CRACD: variants seen among roughly 807,000 people sequenced by gnomAD.
The protein encoded by CRACD is capping protein inhibiting regulator of actin dynamics.
In CRACD, 56 loss-of-function variants were observed where a neutral mutation model predicts 106.8. The observed-to-expected ratio is 0.52, with a 90% CI of 0.42 to 0.66. The LOEUF (loss-of-function observed/expected upper bound fraction) is 0.66. Ranked by LOEUF, CRACD falls within the 30% of genes least tolerant of loss-of-function variation. The probability of loss-of-function intolerance (pLI) is 0.00; values close to 1 mark genes in which losing one functional copy is unlikely to be tolerated. For synonymous variants in CRACD, 754 were observed against 670.8 expected (o/e 1.12, Z -1.92); for missense variants, 1,730 against 1,623.2 (o/e 1.07, Z -1.13).
chr4:56,089,428 G>A (rs149893954), intron 1 of CRACD, among the ~76,000 whole-genome samples: 4 of 152,106 alleles, frequency 2.6e-5, no homozygotes, highest in Admixed American at 6.6e-5. Flanking sequence ...GCCGCCTACG[G>A]CATTGCTTCC....
At position 56,330,567 on chromosome 4, in the gene CRACD, T is replaced by C. The variant is rs1197001121; in HGVS notation, c.*2763T>C. On this transcript the variant is annotated 3_prime_UTR_variant, in exon 11 of 11. Coordinates refer to ENST00000682029, the MANE Select transcript of CRACD (RefSeq NM_001393381.1). ...ATAAAGTTTTAATGTAAAATGTCCA[T>C]TATTGAAGGGAAAAGATCTTTCAAT... Among the ~76,000 whole-genome samples, 1 of 152,216 alleles carries C rather than the reference T, an allele frequency of 6.6e-6. No individual in the cohort carries two copies. The highest frequency in any genetic ancestry group is 1.9e-4 in the East Asian group (1 of 5,202).
Position 56,323,459 on chromosome 4 carries a change from A to C in CRACD, c.3270A>C (p.Ile1090=). The C allele has an allele frequency of 1.2e-6, 2 of 1,612,144 alleles. No individual in the cohort carries two copies. The highest frequency in any genetic ancestry group is 1.7e-6 in the Non-Finnish European group (2 of 1,179,470). ...EKVETAQPLW[I]TLALQKQKGF... is the part of the protein sequence containing the mutation. ...TGGAAACTGCTCAGCCGCTGTGGAT[A>C]ACGTTAGCACTGCAAAAGCAAAAGG... Residue 1090 remains isoleucine, a synonymous_variant, in exon 9 of 11, where the codon ATA becomes ATC. Coordinates refer to ENST00000682029, the MANE Select transcript of CRACD (RefSeq NM_001393381.1).
At chr4:56,197,701 C>T (rs1301550476) in intron 2 of CRACD, among the ~76,000 whole-genome samples, 9 of 150,548 alleles carry the variant, frequency 6.0e-5, no homozygotes, top group Admixed American at 3.3e-4. Context: ...TTTTTTGAAA[C>T]GGAGTCTCAC....
At chr4:56,281,069 A>G (rs1743012527) in intron 3 of CRACD, among the ~76,000 whole-genome samples, 5 of 152,222 alleles carry the variant, frequency 3.3e-5, no homozygotes, top group Admixed American at 3.3e-4. Context: ...AGGTTGATGA[A>G]TCAGTTATAG....
chr4:56,088,220 G>A (rs1733297916), intron 1 of CRACD, among the ~76,000 whole-genome samples: 1 of 151,408 alleles, frequency 6.6e-6, no homozygotes, highest in Non-Finnish European at 1.5e-5. Flanking sequence ...TACCTGTCAT[G>A]GGGTTTGGTG....
At chr4:56,156,180 T>C (rs1735756373) in intron 1 of CRACD, among the ~76,000 whole-genome samples, 1 of 152,214 alleles carries the variant, frequency 6.6e-6, no homozygotes, top group Non-Finnish European at 1.5e-5. Context: ...CAGGCTGATC[T>C]TGAACTCCTG....
intron 2 of CRACD, among the ~76,000 whole-genome samples, chr4:56,245,057 CT>C (rs1740607108): frequency 6.6e-6 from 1 of 152,208 alleles, no homozygotes; most frequent in Non-Finnish European, 1.5e-5. Flanking sequence ...TTTTATTCAT[CT>C]TTCAAGGCCA....
chr4:56,203,240 C>T (rs1449065648), intron 2 of CRACD, among the ~76,000 whole-genome samples: 1 of 152,202 alleles, frequency 6.6e-6, no homozygotes, highest in African/African-American at 2.4e-5. Flanking sequence ...GCACTGGCAG[C>T]CAGCCATAAT....
chr4:56,274,736 T>G (rs1402964408), intron 3 of CRACD, among the ~76,000 whole-genome samples: 1 of 152,226 alleles, frequency 6.6e-6, no homozygotes, highest in Non-Finnish European at 1.5e-5. Flanking sequence ...AGCTTTGGAC[T>G]ATTAATTTTT....
At chr4:56,253,983 A>G (rs1741194825) in intron 2 of CRACD, among the ~76,000 whole-genome samples, 1 of 152,242 alleles carries the variant, frequency 6.6e-6, no homozygotes, top group Admixed American at 6.5e-5. Context: ...TGGAAACTTC[A>G]ATCATTGACC....
chr4:56,239,575 A>C (rs1560497491), intron 2 of CRACD, among the ~76,000 whole-genome samples: 1 of 152,124 alleles, frequency 6.6e-6, no homozygotes, highest in East Asian at 1.9e-4. Context: ...AGTTTAGCTG[A>C]AATGAGATGA....
At chr4:56,071,523 T>G (rs1577943828) in intron 1 of CRACD, among the ~76,000 whole-genome samples, 1 of 150,794 alleles carries the variant, frequency 6.6e-6, no homozygotes, top group Admixed American at 6.6e-5. Context: ...TTTTTTTTTT[T>G]GGAGATGGAA....
chr4:56,270,129 A>T (rs932536844), intron 2 of CRACD, among the ~76,000 whole-genome samples: 1 of 152,030 alleles, frequency 6.6e-6, no homozygotes, highest in Non-Finnish European at 1.5e-5. Context: ...TCTTTTTGTA[A>T]TTGGTTATTA....
intron 5 of CRACD, chr4:56,308,675 C>T (rs1744921284): frequency 2.5e-6 from 2 of 795,412 alleles, no homozygotes; most frequent in Non-Finnish European, 1.5e-6. Flanking sequence ...GGACATTCCT[C>T]CCCTGTTGCC....
chr4:56,091,448 A>G lies in CRACD; in HGVS notation c.-336+42149A>G, dbSNP rs999412347. On this transcript the variant is annotated intron_variant, in intron 1 of 10. Transcript: ENST00000682029. ...AATCAGGGAACACCACTTGCAAAAT[A>G]TTTTTACAGCAGTGCTGTAATTGTT... is the stretch of plus-strand genomic sequence containing the variant. 2.6e-5 allele frequency among the ~76,000 whole-genome samples: 4 copies of G among 151,664 alleles called. No homozygotes were observed. The South Asian group carries it at 8.3e-4, about 32-fold the overall frequency.
intron 3 of CRACD, among the ~76,000 whole-genome samples, chr4:56,278,090 G>A (rs1577845828): frequency 6.6e-6 from 1 of 152,144 alleles, no homozygotes; most frequent in Non-Finnish European, 1.5e-5. Context: ...CCCAGATTGA[G>A]CTACAGATTC....
chr4:56,239,224 C>T (rs75818628), intron 2 of CRACD, among the ~76,000 whole-genome samples: 1 of 151,790 alleles, frequency 6.6e-6, no homozygotes, highest in Non-Finnish European at 1.5e-5. Context: ...ACCTGGGAGG[C>T]GGAGGTTGCA....
chr4:56,310,789 TC>T (rs138135265), intron 6 of CRACD, 55 bp downstream of exon 6: 53 of 815,768 alleles, frequency 6.5e-5, no homozygotes, highest in South Asian at 3.1e-4. Context: ...ACTTTCATCT[TC>T]CCCCCCCCTT....
rs758502221 is a variant in CRACD, at chr4:56,328,320, G to A, written c.*516G>A. 5 of 518,690 alleles carry A rather than the reference G, an allele frequency of 9.6e-6. No individual in the cohort carries two copies. The highest frequency in any genetic ancestry group is 1.5e-5 in the Non-Finnish European group (4 of 259,784). 32.1% of individuals were successfully genotyped at this position (518,690 alleles called of 1,614,324 possible). On this transcript the variant is annotated 3_prime_UTR_variant, in exon 11 of 11. Transcript: ENST00000682029. ...TTCTCCTGAATGCAGTGAGTAATTG[G>A]GAATCACAAGGAACATTCTGGCACC...
Sources: gnomAD v4.1 joint callset for allele counts (sites outside exome capture counted in the v4.1 genomes callset) on GRCh38, gnomAD v4.1.1 for gene constraint, MANE v1.5 for transcripts, NCBI Gene and HGNC (gene_info 2026-07-23, HGNC 2026-07-21) for gene names.